The following HS3ST2 variants were observed in gnomAD, a reference collection of about 807,000 sequenced individuals.
HS3ST2 encodes heparan sulfate glucosamine 3-O-sulfotransferase 2.
Under a neutral mutation model 26.3 loss-of-function variants are expected in HS3ST2, and 17 were observed. The ratio of observed to expected loss-of-function variants is 0.65; its 90% confidence interval spans 0.44 to 0.97. The LOEUF (loss-of-function observed/expected upper bound fraction) is 0.97. Ranked by LOEUF, HS3ST2 falls within the 50% of genes least tolerant of loss-of-function variation. HS3ST2 has a pLI of 0.00. For missense variants in HS3ST2, 402 were observed against 501.2 expected (o/e 0.80, Z 1.89); for synonymous variants, 237 against 219.2 (o/e 1.08, Z -0.72).
Position 22,814,501 on chromosome 16 carries a change from C to A in HS3ST2, c.-110C>A, listed in dbSNP as rs1423881029. ...GACGGCGCCCCCAACGCCCGACCCG[C>A]GTGGCCGTGGCAGCGCCACGCGAGC... On this transcript the variant is annotated 5_prime_UTR_variant, in exon 1 of 2. Transcript: ENST00000261374. The A allele has an allele frequency of 4.7e-6, 6 of 1,280,502 alleles. No homozygotes were observed. Among genetic ancestry groups the A allele is most frequent in the East Asian group, 2.9e-5 (1 of 34,152 alleles). 79.3% of individuals were successfully genotyped at this position (1,280,502 alleles called of 1,614,324 possible). A position where few individuals can be genotyped will look rare whatever the true frequency, so the allele number is the denominator to read the frequency against.
At chr16:22,902,464 T>A (rs1567500521) in intron 1 of HS3ST2, among the ~76,000 whole-genome samples, 1 of 152,248 alleles carries the variant, frequency 6.6e-6, no homozygotes, top group Non-Finnish European at 1.5e-5. Flanking sequence ...GAACAATCTA[T>A]GCAGGTGTCC....
chr16:22,847,711 A>G (rs942792248), intron 1 of HS3ST2, among the ~76,000 whole-genome samples: 7 of 151,990 alleles, frequency 4.6e-5, no homozygotes, highest in Admixed American at 2.6e-4. Flanking sequence ...CTATTAAGCC[A>G]TAGAGTCAGG....
At chr16:22,817,310 A>G (rs1900885001) in intron 1 of HS3ST2, among the ~76,000 whole-genome samples, 1 of 152,012 alleles carries the variant, frequency 6.6e-6, no homozygotes, top group Non-Finnish European at 1.5e-5. Flanking sequence ...TTGCTTGACC[A>G]GGAAGGCTGG....
intron 1 of HS3ST2, among the ~76,000 whole-genome samples, chr16:22,906,337 C>A (rs1902351696): frequency 7.2e-6 from 1 of 138,434 alleles, no homozygotes; most frequent in Admixed American, 7.5e-5. Context: ...CGCCACTGCA[C>A]TCCAGCCTGG....
At chr16:22,907,218 G>A (rs1021544826) in intron 1 of HS3ST2, among the ~76,000 whole-genome samples, 2 of 152,202 alleles carry the variant, frequency 1.3e-5, no homozygotes, top group African/African-American at 4.8e-5. Context: ...GTTCAGCATG[G>A]CATGAACATC....
At chr16:22,840,979 A>G (rs1162652539) in intron 1 of HS3ST2, among the ~76,000 whole-genome samples, 3 of 81,144 alleles carry the variant, frequency 3.7e-5, no homozygotes, top group Admixed American at 3.4e-4. Context: ...CCCACCCCAC[A>G]ACAGGCCCCA....
At chr16:22,855,810 A>G (rs1271927861) in intron 1 of HS3ST2, among the ~76,000 whole-genome samples, 1 of 151,312 alleles carries the variant, frequency 6.6e-6, no homozygotes, top group African/African-American at 2.4e-5. Context: ...TATCCTCACA[A>G]TTCCAAGTGC....
intron 1 of HS3ST2, among the ~76,000 whole-genome samples, chr16:22,826,522 A>G (rs987314462): frequency 2.0e-5 from 3 of 151,752 alleles, no homozygotes; most frequent in Admixed American, 6.6e-5. Flanking sequence ...TATTGTGTTC[A>G]TTTTCTCTTT....
chr16:22,859,763 C>G (rs375534132), intron 1 of HS3ST2, among the ~76,000 whole-genome samples: 1 of 152,072 alleles, frequency 6.6e-6, no homozygotes, highest in Non-Finnish European at 1.5e-5. Flanking sequence ...CAGCAGTAAC[C>G]GAGCAGTATT....
Position 22,814,879 on chromosome 16 carries a change from C to G in HS3ST2, c.269C>G (p.Ala90Gly), listed in dbSNP as rs1207113986. ...GAGCCCAGCGCTCCCAGCGCGCCCG[C>G]CGCCGCCGTGCCCGCCCCTCGCCTC... Reference protein sequence around the residue: ...PSEPSAPSAPAAAVPAPRLSG... With the variant: ...PSEPSAPSAPGAAVPAPRLSG... Residue 90 changes from alanine (A) to glycine (G), a missense_variant, in exon 1 of 2, where the codon GCC becomes GGC. By Grantham distance (60) the Ala-to-Gly change is moderately conservative (BLOSUM62 0). This residue lies in a region of HS3ST2 where 165 missense variants were observed against 154.6 expected (regional missense o/e 1.07). Coordinates refer to ENST00000261374, the MANE Select transcript of HS3ST2 (RefSeq NM_006043.2). The G allele has an allele frequency of 1.3e-6, 2 of 1,559,628 alleles. No homozygotes were observed. Among genetic ancestry groups the G allele is most frequent in the Non-Finnish European group, 1.7e-6 (2 of 1,152,848 alleles).
At chr16:22,880,264 A>T (rs1164289151) in intron 1 of HS3ST2, among the ~76,000 whole-genome samples, 2 of 152,042 alleles carry the variant, frequency 1.3e-5, no homozygotes, top group African/African-American at 2.4e-5. Flanking sequence ...AAAAAACATT[A>T]AAAAATTAGC....
At chr16:22,837,792 G>A (rs1444097909) in intron 1 of HS3ST2, among the ~76,000 whole-genome samples, 1 of 151,796 alleles carries the variant, frequency 6.6e-6, no homozygotes, top group Non-Finnish European at 1.5e-5. Context: ...ATAAAGTTAT[G>A]TTCATGTGAT....
At chr16:22,870,098 C>A (rs1019242272) in intron 1 of HS3ST2, among the ~76,000 whole-genome samples, 1 of 151,972 alleles carries the variant, frequency 6.6e-6, no homozygotes, top group African/African-American at 2.4e-5. Context: ...AGATTTATAC[C>A]CCCTTCTAGG....
At position 22,814,844 on chromosome 16, in the gene HS3ST2, G is replaced by A. The variant is rs779155218; in HGVS notation, c.234G>A (p.Pro78=). The A allele has an allele frequency of 1.9e-6, 3 of 1,565,122 alleles. No individual in the cohort carries two copies. Among genetic ancestry groups the A allele is most frequent in the South Asian group, 1.2e-5 (1 of 85,938 alleles). The change falls in exon 1 of 2, where the codon CCG becomes CCA. Residue 78 remains proline, a synonymous_variant. Transcript: ENST00000261374. ...QKSRPCDPSG[P]TPSEPSAPSA... ...CCCGCCCCTGTGATCCCTCCGGGCC[G>A]ACGCCCAGCGAGCCCAGCGCTCCCA... is the stretch of plus-strand genomic sequence containing the variant.
intron 1 of HS3ST2, among the ~76,000 whole-genome samples, chr16:22,845,971 G>T (rs1332644810): frequency 6.6e-6 from 1 of 152,154 alleles, no homozygotes; most frequent in Non-Finnish European, 1.5e-5. Context: ...GTCAACACTT[G>T]TTAATATATT....
chr16:22,841,070 T>C (rs568145878), intron 1 of HS3ST2, among the ~76,000 whole-genome samples: 1 of 150,190 alleles, frequency 6.7e-6, no homozygotes, highest in African/African-American at 2.4e-5. Flanking sequence ...CGGTGTTTGG[T>C]TTTTTGTCCT....
intron 1 of HS3ST2, among the ~76,000 whole-genome samples, chr16:22,819,802 A>G (rs962967317): frequency 2.0e-5 from 3 of 152,280 alleles, no homozygotes; most frequent in African/African-American, 7.2e-5. Flanking sequence ...AAAAGCCCAG[A>G]ATAAGATCTA....
In HS3ST2 at chr16:22,913,289, G is replaced by C. The variant is rs541115308; in HGVS notation, c.486-1655G>C. 1.4e-4 allele frequency among the ~76,000 whole-genome samples: 21 copies of C among 152,174 alleles called. 1 individual carries two copies. The highest frequency in any genetic ancestry group is 1.2e-3 in the Admixed American group (18 of 15,296). On this transcript the variant is annotated intron_variant, in intron 1 of 1. Coordinates refer to ENST00000261374, the MANE Select transcript of HS3ST2 (RefSeq NM_006043.2). The stretch of plus-strand genomic sequence containing the variant: ...ACCTTCATCAAGAAGTAGCGGTTGG[G>C]AACCAGGGATGCTCCCGTCCATCAA...
At chr16:22,872,195 C>T (rs181987057) in intron 1 of HS3ST2, among the ~76,000 whole-genome samples, 2 of 152,162 alleles carry the variant, frequency 1.3e-5, no homozygotes, top group Non-Finnish European at 2.9e-5. Context: ...CAAATGGCAG[C>T]CCTAGAGATA....
Sources: gnomAD v4.1 joint callset for allele counts (sites outside exome capture counted in the v4.1 genomes callset) on GRCh38, gnomAD v4.1.1 for gene constraint, gnomAD v4.1.1 regional missense constraint, MANE v1.5 for transcripts, NCBI Gene and HGNC (gene_info 2026-07-23, HGNC 2026-07-21) for gene names.